Variants in SKAP2 observed in about 807,000 individuals in gnomAD.
SKAP2 encodes src kinase-associated phosphoprotein 2.
SKAP2 carries 28 observed loss-of-function variants against 54.9 expected under a neutral mutation model. The ratio of observed to expected loss-of-function variants is 0.51; its 90% CI spans 0.38 to 0.70. The LOEUF (loss-of-function observed/expected upper bound fraction) is 0.70. Ranked by LOEUF, SKAP2 falls within the 30% of genes least tolerant of loss-of-function variation. The pLI is 0.00. For missense variants in SKAP2, 356 were observed against 424.1 expected (o/e 0.84, Z 1.41); for synonymous variants, 137 against 134.3 (o/e 1.02, Z -0.14).
chr7:26,762,860 T>C (rs1436395221), intron 4 of SKAP2, among the ~76,000 whole-genome samples: 1 of 152,144 alleles, frequency 6.6e-6, no homozygotes, highest in African/African-American at 2.4e-5. Flanking sequence ...GTAACCAAAA[T>C]CATAAATTTG....
chr7:26,768,690 A>C (rs1424813941), intron 4 of SKAP2, among the ~76,000 whole-genome samples: 1 of 152,174 alleles, frequency 6.6e-6, no homozygotes, highest in Non-Finnish European at 1.5e-5. Flanking sequence ...TTGTCTGTAA[A>C]GGATTTTATT....
chr7:26,701,184 T>A (rs1049376830), intron 9 of SKAP2, among the ~76,000 whole-genome samples: 1 of 152,244 alleles, frequency 6.6e-6, no homozygotes, highest in African/African-American at 2.4e-5. Flanking sequence ...GGTATTTTAT[T>A]TGAATCTTTG....
At chr7:26,766,890 T>C (rs1008711128) in intron 4 of SKAP2, among the ~76,000 whole-genome samples, 1 of 152,232 alleles carries the variant, frequency 6.6e-6, no homozygotes, top group African/African-American at 2.4e-5. Context: ...TTGATGATTT[T>C]CACATCGATG....
rs368350311 is a variant in SKAP2 at position 26,794,266 on chromosome 7, T to C, written c.307+49764A>G. Among the ~76,000 whole-genome samples, 169 of 152,266 alleles carry C rather than the reference T, an allele frequency of 1.1e-3. 1 individual carries two copies. The South Asian group carries it at 0.031, about 28-fold the overall frequency. ...CAGTAATCCTAGGGGGAGGAAAAAG[T>C]GGCTAAAGGAATAGACTAGGGTAGA... On this transcript the variant is annotated intron_variant, in intron 4 of 12. Coordinates refer to ENST00000345317, the MANE Select transcript of SKAP2 (RefSeq NM_003930.5).
intron 4 of SKAP2, among the ~76,000 whole-genome samples, chr7:26,793,267 C>G (rs139939131): frequency 6.6e-5 from 10 of 152,292 alleles, no homozygotes; most frequent in Non-Finnish European, 1.2e-4. Flanking sequence ...ACTGCTAATT[C>G]TCCAAAATGA....
intron 4 of SKAP2, among the ~76,000 whole-genome samples, chr7:26,763,804 C>T (rs1311649597): frequency 8.3e-6 from 1 of 120,866 alleles, no homozygotes; most frequent in African/African-American, 3.2e-5. Flanking sequence ...TTATATATAG[C>T]CTATTGCTCC....
intron 4 of SKAP2, among the ~76,000 whole-genome samples, chr7:26,783,337 T>C (rs1268850361): frequency 3.3e-5 from 5 of 152,130 alleles, no homozygotes; most frequent in East Asian, 1.9e-4. Flanking sequence ...CTCCAATCCA[T>C]ACCGTTACTA....
At chr7:26,706,206 C>T (rs1437013206) in intron 9 of SKAP2, among the ~76,000 whole-genome samples, 20 of 152,052 alleles carry the variant, frequency 1.3e-4, no homozygotes, top group Admixed American at 1.3e-3. Context: ...CCATAGCTAA[C>T]AAGTGTTTTT....
chr7:26,825,260 A>G (rs559787861), intron 4 of SKAP2, among the ~76,000 whole-genome samples: 4 of 152,286 alleles, frequency 2.6e-5, no homozygotes, highest in South Asian at 4.1e-4. Context: ...TAATTTTCCT[A>G]TGTATCCTCC....
chr7:26,728,474 T>C (rs911093223), intron 6 of SKAP2, among the ~76,000 whole-genome samples: 3 of 152,132 alleles, frequency 2.0e-5, no homozygotes, highest in African/African-American at 7.2e-5. Flanking sequence ...TCCCAGGATA[T>C]ATTTCGTAAG....
intron 4 of SKAP2, among the ~76,000 whole-genome samples, chr7:26,807,227 G>C (rs1784047591): frequency 6.6e-6 from 1 of 152,202 alleles, no homozygotes; most frequent in African/African-American, 2.4e-5. Flanking sequence ...AGCAGTGGCA[G>C]GATTTGAGAG....
chr7:26,856,373 T>G (rs1187634575), intron 1 of SKAP2, among the ~76,000 whole-genome samples: 1 of 151,930 alleles, frequency 6.6e-6, no homozygotes, highest in African/African-American at 2.4e-5. Context: ...TCCCTTTCCT[T>G]GAGTTATATT....
intron 4 of SKAP2, among the ~76,000 whole-genome samples, chr7:26,786,524 T>A (rs1783548279): frequency 6.6e-6 from 1 of 151,972 alleles, no homozygotes. Flanking sequence ...TATAAAAGTA[T>A]CAGTCAGGTC....
At chr7:26,786,388 A>G (rs1003360814) in intron 4 of SKAP2, among the ~76,000 whole-genome samples, 1 of 152,254 alleles carries the variant, frequency 6.6e-6, no homozygotes, top group Non-Finnish European at 1.5e-5. Context: ...AGATTATTTC[A>G]GATAATGGCA....
intron 4 of SKAP2, among the ~76,000 whole-genome samples, chr7:26,756,750 A>G (rs1353923430): frequency 2.6e-5 from 4 of 152,162 alleles, no homozygotes; most frequent in Non-Finnish European, 5.9e-5. Context: ...TTGAGGAATC[A>G]CCACACTGTC....
intron 9 of SKAP2, among the ~76,000 whole-genome samples, chr7:26,692,086 G>A (rs1169278665): frequency 6.6e-6 from 1 of 152,042 alleles, no homozygotes. Flanking sequence ...TGTGGATAAA[G>A]GGGAAGGAAG....
intron 4 of SKAP2, among the ~76,000 whole-genome samples, chr7:26,792,149 G>A (rs1027671999): frequency 2.0e-5 from 3 of 152,178 alleles, no homozygotes; most frequent in African/African-American, 7.2e-5. Context: ...CAAAACTACA[G>A]GAGCAGAAAT....
At chr7:26,739,159 T>A (rs1281404662) in intron 5 of SKAP2, among the ~76,000 whole-genome samples, 1 of 152,324 alleles carries the variant, frequency 6.6e-6, no homozygotes, top group South Asian at 2.1e-4. Flanking sequence ...CTTGAGATAA[T>A]TGATCCATCT....
chr7:26,803,852 T>A (rs1450219763), intron 4 of SKAP2, among the ~76,000 whole-genome samples: 1 of 152,148 alleles, frequency 6.6e-6, no homozygotes, highest in Non-Finnish European at 1.5e-5. Flanking sequence ...TTATGTTAAG[T>A]GAAATAAGCC....
Sources: allele counts gnomAD v4.1 joint callset (sites outside exome capture counted in the v4.1 genomes callset), GRCh38; gene constraint gnomAD v4.1.1; transcripts MANE v1.5; gene names NCBI Gene and HGNC (gene_info 2026-07-23, HGNC 2026-07-21).